The following SWT1 variants were observed in gnomAD, a reference collection of about 807,000 sequenced individuals.
The protein encoded by SWT1 is transcriptional protein SWT1.
A neutral mutation model predicts 107.3 loss-of-function variants in SWT1; 33 were observed. That is an observed-to-expected ratio of 0.31 (90% CI 0.23 to 0.41). The LOEUF is 0.41. SWT1 is among the 10% of genes least tolerant of loss of function. SWT1 has a pLI of 1.00. For synonymous variants in SWT1, 345 were observed against 348.3 expected, an observed-to-expected ratio of 0.99 and a Z score of 0.11; for missense variants, 898 against 1,028.9, an observed-to-expected ratio of 0.87 and a Z score of 1.74.
intron 15 of SWT1, among the ~76,000 whole-genome samples, chr1:185,228,028 C>T (rs1281413336): frequency 2.0e-5 from 3 of 151,674 alleles, no homozygotes; most frequent in Admixed American, 6.6e-5. Context: ...GAGGTAGAAG[C>T]TGCAGTGAGC....
intron 2 of SWT1, among the ~76,000 whole-genome samples, chr1:185,164,663 G>C (rs146604077): frequency 7.2e-5 from 11 of 152,288 alleles, no homozygotes; most frequent in African/African-American, 2.6e-4. Context: ...TAGCTTCCAA[G>C]TTTTCTTCTG....
At chr1:185,213,252 G>A (rs1449273998) in intron 13 of SWT1, among the ~76,000 whole-genome samples, 1 of 152,068 alleles carries the variant, frequency 6.6e-6, no homozygotes, top group Admixed American at 6.6e-5. Context: ...CTTCCTCAGG[G>A]GATTTACGTA....
Position 185,222,129 on chromosome 1 carries a change from A to G in SWT1, c.2309+93A>G, listed in dbSNP as rs1659703236. On this transcript the variant is annotated intron_variant, in intron 15 of 18. Coordinates refer to ENST00000367500, the MANE Select transcript of SWT1 (RefSeq NM_017673.7). The stretch of plus-strand genomic sequence containing the variant: ...AGGGTACAATTTGATGTGCAATTTG[A>G]CGTTTCAATAGATATATGTGATATA... 1.7e-5 allele frequency: 14 copies of G among 812,444 alleles called. No individual in the cohort carries two copies. In the South Asian group the frequency reaches 4.7e-4, roughly 27 times the overall value. 50.3% of individuals were successfully genotyped at this position (812,444 alleles called of 1,614,324 possible). A position where few individuals can be genotyped will look rare whatever the true frequency, so the allele number is the denominator to read the frequency against.
At chr1:185,222,882 A>C (rs1057198715) in intron 15 of SWT1, among the ~76,000 whole-genome samples, 2 of 151,498 alleles carry the variant, frequency 1.3e-5, no homozygotes, top group South Asian at 4.2e-4. Context: ...AACTTATTCC[A>C]CCTATCTAAT....
At chr1:185,173,456 A>T (rs72724108) in intron 4 of SWT1, among the ~76,000 whole-genome samples, 8,167 of 148,270 alleles carry the variant, frequency 0.055, 253 homozygotes, top group East Asian at 0.11. Flanking sequence ...CACACTGGGG[A>T]GGCTAAGGTG....
intron 13 of SWT1, among the ~76,000 whole-genome samples, chr1:185,209,304 G>T (rs749730482): frequency 2.0e-5 from 3 of 152,018 alleles, no homozygotes; most frequent in Non-Finnish European, 4.4e-5. Flanking sequence ...AGGTATACAC[G>T]TTCCATGGGG....
chr1:185,264,270 T>A, intron 16 of SWT1: 1 of 824,154 alleles, frequency 1.2e-6, no homozygotes, highest in East Asian at 1.2e-4. Flanking sequence ...CTTTTGCTTT[T>A]CATTTTTCTT....
At chr1:185,278,803 A>C (rs1327954353) in intron 18 of SWT1, among the ~76,000 whole-genome samples, 3 of 152,232 alleles carry the variant, frequency 2.0e-5, no homozygotes, top group African/African-American at 4.8e-5. Flanking sequence ...AAAGGTAGGA[A>C]CTTAATAAAA....
chr1:185,179,591 G>A (rs1448075284), intron 5 of SWT1, among the ~76,000 whole-genome samples: 1 of 152,142 alleles, frequency 6.6e-6, no homozygotes, highest in African/African-American at 2.4e-5. Flanking sequence ...TAATCCTCAA[G>A]TTCCTTCTGT....
chr1:185,160,736 T>C (rs1558000915), intron 1 of SWT1, 97 bp from the exon 2 acceptor site: 7 of 830,270 alleles, frequency 8.4e-6, no homozygotes, highest in Non-Finnish European at 1.3e-5. Context: ...AGTGATCATA[T>C]TGTAAAACTC....
intron 13 of SWT1, among the ~76,000 whole-genome samples, chr1:185,214,154 T>C (rs1659039993): frequency 6.6e-6 from 1 of 152,128 alleles, no homozygotes; most frequent in African/African-American, 2.4e-5. Context: ...ACAGTACTCT[T>C]ATGTGAAATC....
chr1:185,238,782 T>C (rs1244845251), intron 16 of SWT1, among the ~76,000 whole-genome samples: 2 of 152,172 alleles, frequency 1.3e-5, no homozygotes, highest in Non-Finnish European at 2.9e-5. Flanking sequence ...TTAATAATTA[T>C]TTTTTCAAGT....
At chr1:185,276,486 C>T in intron 17 of SWT1, 118 bp from the exon 18 acceptor site, 5 of 521,900 alleles carry the variant, frequency 9.6e-6, no homozygotes, top group East Asian at 3.3e-5. Flanking sequence ...CTGTTTAATC[C>T]TTTTTATGCA....
chr1:185,184,328 G>A lies in SWT1; in HGVS notation c.1224G>A (p.Lys408=). Residue 408 remains lysine, a synonymous_variant, in exon 8 of 19, where the codon AAG becomes AAA. Transcript: ENST00000367500. ...MNHLKFVRIL[K]TTEVPGFDKL... ...ATCTCAAATTTGTTAGAATTTTGAA[G>A]ACAACAGAAGTACCAGGTATTTACA... 6.5e-7 allele frequency: 1 copy of A among 1,533,892 alleles called. No homozygotes were observed.
At chr1:185,209,732 A>G (rs1037714070) in intron 13 of SWT1, among the ~76,000 whole-genome samples, 17 of 152,238 alleles carry the variant, frequency 1.1e-4, no homozygotes, top group African/African-American at 3.9e-4. Context: ...TCCTTTGGGT[A>G]TATACCCAGT....
At position 185,174,639 on chromosome 1, in the gene SWT1, C is replaced by T. The variant is rs566886605; in HGVS notation, c.492C>T (p.Ala164=). The T allele has an allele frequency of 5.5e-5, 89 of 1,613,252 alleles. 1 individual carries two copies. Among genetic ancestry groups the T allele is most frequent in the Admixed American group, 4.2e-4 (25 of 59,844 alleles). ...TTGCCAGTGATGTGAAACCTAAAGCCGAAGGCCAGGCAAGTGAAAATAAAT... is the reference window on the plus strand; with the variant it reads ...TTGCCAGTGATGTGAAACCTAAAGCTGAAGGCCAGGCAAGTGAAAATAAAT... ...PKIASDVKPK[A]EGQASENKWS... Residue 164 remains alanine, a synonymous_variant, in exon 5 of 19, where the codon GCC becomes GCT. Coordinates refer to ENST00000367500, the MANE Select transcript of SWT1 (RefSeq NM_017673.7).
chr1:185,173,059 AAAG>A (rs1558010742), intron 4 of SWT1, among the ~76,000 whole-genome samples: 2 of 151,600 alleles, frequency 1.3e-5, no homozygotes. Flanking sequence ...AAAAAAAAAA[AAAG>A]AAGAAAATGG....
At chr1:185,222,344 A>G (rs1325005387) in intron 15 of SWT1, among the ~76,000 whole-genome samples, 1 of 152,124 alleles carries the variant, frequency 6.6e-6, no homozygotes, top group East Asian at 1.9e-4. Flanking sequence ...TCCTTTATGC[A>G]TTCATCCATT....
intron 12 of SWT1, 126 bp downstream of exon 12, chr1:185,204,989 C>A (rs1658215014): frequency 1.7e-6 from 1 of 574,138 alleles, no homozygotes; most frequent in Non-Finnish European, 2.9e-6. Flanking sequence ...TTACATTTTT[C>A]TTCAAGTTTT....
Sources: allele counts gnomAD v4.1 joint callset (sites outside exome capture counted in the v4.1 genomes callset), GRCh38; gene constraint gnomAD v4.1.1; transcripts MANE v1.5; gene names NCBI Gene and HGNC (gene_info 2026-07-23, HGNC 2026-07-21).